KALRN: variants seen among roughly 807,000 people sequenced by gnomAD.
KALRN encodes the protein kalirin.
Under a neutral mutation model 353.7 loss-of-function variants are expected in KALRN, and 70 were observed. That is an observed-to-expected ratio of 0.20 (90% CI 0.16 to 0.24). KALRN has a LOEUF of 0.24. KALRN is among the 10% of genes least tolerant of loss of function. KALRN has a pLI of 1.00. For synonymous variants in KALRN, 1,391 were observed against 1,434.8 expected, an observed-to-expected ratio of 0.97 and a Z score of 0.69; for missense variants, 2,791 against 3,756.7, an observed-to-expected ratio of 0.74 and a Z score of 6.72.
chr3:124,309,042 T>C (rs1481900914), intron 6 of KALRN, among the ~76,000 whole-genome samples: 3 of 152,060 alleles, frequency 2.0e-5, no homozygotes, highest in Non-Finnish European at 4.4e-5. Context: ...AATTAGATAA[T>C]AAATGAAATG....
In KALRN at chr3:124,563,047, C is replaced by A. The variant is rs750259303; in HGVS notation, c.5140C>A (p.Arg1714=). The change falls in exon 34 of 60, where the codon CGA becomes AGA. Residue 1714 remains arginine, a synonymous_variant. Coordinates refer to ENST00000682506, the MANE Select transcript of KALRN (RefSeq NM_001388419.1). ...PSSALCISHS[R]SSVEMDCFFP... is the part of the protein sequence containing the mutation. ...CAGCGCCCTGTGCATCTCACACTCC[C>A]GAAGCAGCGTGGAGATGGACTGCTT... is the stretch of plus-strand genomic sequence containing the variant. 7.3e-7 allele frequency: 1 copy of A among 1,367,856 alleles called. No homozygotes were observed. The highest frequency in any genetic ancestry group is 9.8e-7 in the Non-Finnish European group (1 of 1,022,014). The allele number at this position is 1,367,856 out of a possible 1,614,324, so 84.7% of individuals were successfully genotyped here.
intron 1 of KALRN, among the ~76,000 whole-genome samples, chr3:124,150,037 G>A (rs2067883011): frequency 6.6e-6 from 1 of 152,190 alleles, no homozygotes; most frequent in Non-Finnish European, 1.5e-5. Context: ...ACAGCCACTG[G>A]CTGAAGCCTT....
intron 51 of KALRN, among the ~76,000 whole-genome samples, chr3:124,685,374 T>A (rs535657758): frequency 6.6e-6 from 1 of 152,290 alleles, no homozygotes; most frequent in East Asian, 1.9e-4. Context: ...TTATGCTTTT[T>A]GTTCCTTGCA....
chr3:124,387,539 T>C (rs1336149435), intron 11 of KALRN, among the ~76,000 whole-genome samples: 1 of 152,240 alleles, frequency 6.6e-6, no homozygotes, highest in Non-Finnish European at 1.5e-5. Context: ...ACCCCAGGTC[T>C]TTCTGACTCT....
chr3:124,069,508 C>G (rs1171736397), intron 1 of KALRN, among the ~76,000 whole-genome samples: 1 of 152,192 alleles, frequency 6.6e-6, no homozygotes, highest in Non-Finnish European at 1.5e-5. Flanking sequence ...TGCTCCCTTT[C>G]ACTTTAGCAG....
chr3:124,692,113 A>T (rs1473208048), intron 51 of KALRN, among the ~76,000 whole-genome samples: 1 of 152,208 alleles, frequency 6.6e-6, no homozygotes, highest in East Asian at 1.9e-4. Context: ...CCCAGGCCCC[A>T]CCTCACACCA....
At chr3:124,602,399 C>A (rs1182011497) in intron 34 of KALRN, among the ~76,000 whole-genome samples, 1 of 152,182 alleles carries the variant, frequency 6.6e-6, no homozygotes, top group Non-Finnish European at 1.5e-5. Flanking sequence ...ACTCACAAAG[C>A]TGTGAAATCT....
chr3:124,315,671 A>C (rs2078738679), intron 6 of KALRN, among the ~76,000 whole-genome samples: 1 of 149,966 alleles, frequency 6.7e-6, no homozygotes, highest in African/African-American at 2.5e-5. Context: ...TGACCCACCC[A>C]CTTACACATA....
chr3:124,640,397 A>G (rs1578564211), intron 37 of KALRN, among the ~76,000 whole-genome samples: 1 of 148,730 alleles, frequency 6.7e-6, no homozygotes, highest in Non-Finnish European at 1.5e-5. Flanking sequence ...AGTGATTCTC[A>G]TGCCTCAGCC....
chr3:124,412,225 T>C (rs1019939635), intron 13 of KALRN, among the ~76,000 whole-genome samples: 1 of 152,174 alleles, frequency 6.6e-6, no homozygotes, highest in Admixed American at 6.5e-5. Context: ...TGTCTCCCTG[T>C]GTCCCTGATG....
intron 34 of KALRN, among the ~76,000 whole-genome samples, chr3:124,631,395 C>T (rs1393458283): frequency 1.3e-5 from 2 of 152,216 alleles, no homozygotes; most frequent in East Asian, 3.9e-4. Context: ...TCAAAGATGT[C>T]TAAACCTAAA....
At chr3:124,410,406 T>G (rs2150229300) in intron 13 of KALRN, 1 of 380,774 alleles carries the variant, frequency 2.6e-6, no homozygotes, top group Non-Finnish European at 5.2e-6. Context: ...GAAAATGGAG[T>G]AAAAATTGTG....
At chr3:124,495,768 C>T (rs1439920913) in intron 32 of KALRN, among the ~76,000 whole-genome samples, 2 of 141,402 alleles carry the variant, frequency 1.4e-5, no homozygotes, top group South Asian at 2.3e-4. Flanking sequence ...GAAATCTTGT[C>T]ACTTCTGTTT....
intron 1 of KALRN, among the ~76,000 whole-genome samples, chr3:124,043,116 A>G (rs553461205): frequency 1.2e-4 from 19 of 152,280 alleles, no homozygotes; most frequent in African/African-American, 4.6e-4. Flanking sequence ...AGCAAATACC[A>G]TTGGTTCTGG....
chr3:124,718,786 T>C, intron 59 of KALRN, 139 bp from the exon 60 acceptor site: 1 of 737,106 alleles, frequency 1.4e-6, no homozygotes, highest in East Asian at 2.6e-5. Context: ...GTTTCCGTAG[T>C]GCATAGGGAA....
At chr3:124,553,294 T>C (rs116011071) in intron 33 of KALRN, among the ~76,000 whole-genome samples, 2 of 152,310 alleles carry the variant, frequency 1.3e-5, no homozygotes, top group African/African-American at 4.8e-5. Context: ...GAGAGACTAA[T>C]TAACTTGCTC....
intron 10 of KALRN, among the ~76,000 whole-genome samples, chr3:124,377,564 G>A (rs1338412765): frequency 2.0e-5 from 3 of 152,110 alleles, no homozygotes; most frequent in African/African-American, 4.8e-5. Context: ...GTCAGACCAC[G>A]TTGGTTGAGA....
chr3:124,198,166 G>A (rs1467089760), intron 1 of KALRN, among the ~76,000 whole-genome samples: 1 of 152,164 alleles, frequency 6.6e-6, no homozygotes, highest in Non-Finnish European at 1.5e-5. Flanking sequence ...ATGGCAAGAG[G>A]AACTTTCCCT....
chr3:124,351,097 T>A (rs1326615739), intron 10 of KALRN, among the ~76,000 whole-genome samples: 4 of 152,150 alleles, frequency 2.6e-5, no homozygotes, highest in Non-Finnish European at 4.4e-5. Flanking sequence ...GTGATTGCCA[T>A]GTTTAGGTGG....
Sources: allele counts gnomAD v4.1 joint callset (sites outside exome capture counted in the v4.1 genomes callset), GRCh38; gene constraint gnomAD v4.1.1; transcripts MANE v1.5; gene names NCBI Gene and HGNC (gene_info 2026-07-23, HGNC 2026-07-21).